ZBED4: variants seen among roughly 807,000 people sequenced by gnomAD.
The protein encoded by ZBED4 is zinc finger BED domain-containing protein 4.
Under a neutral mutation model 15.5 loss-of-function variants are expected in ZBED4, and 4 were observed. The ratio of observed to expected loss-of-function variants is 0.26; its 90% CI spans 0.13 to 0.59. The LOEUF is 0.59. Among genes scored for constraint, ZBED4 ranks in the 20% least tolerant of loss-of-function variants. The pLI, the probability that ZBED4 is intolerant of heterozygous loss-of-function variation, is 0.90. For synonymous variants in ZBED4, 692 were observed against 608.5 expected, an observed-to-expected ratio of 1.14 and a Z score of -2.02; for missense variants, 1,323 against 1,461.8, an observed-to-expected ratio of 0.91 and a Z score of 1.55.
intron 1 of ZBED4, among the ~76,000 whole-genome samples, chr22:49,866,024 T>G (rs1323403612): frequency 2.6e-5 from 4 of 152,172 alleles, no homozygotes; most frequent in Non-Finnish European, 4.4e-5. Flanking sequence ...CTTTTTTCCT[T>G]GAATGTCTTA....
intron 1 of ZBED4, among the ~76,000 whole-genome samples, chr22:49,857,508 A>G (rs1222084706): frequency 6.6e-6 from 1 of 152,184 alleles, no homozygotes; most frequent in Admixed American, 6.5e-5. Flanking sequence ...GTTCCTGAGC[A>G]CGTCTGACAG....
intron 1 of ZBED4, among the ~76,000 whole-genome samples, chr22:49,862,186 C>A (rs1327542961): frequency 6.6e-6 from 1 of 152,224 alleles, no homozygotes; most frequent in Non-Finnish European, 1.5e-5. Context: ...GTTAGTAAGT[C>A]CCCGAGGGCG....
rs188540310 is a variant in ZBED4 at position 49,864,946 on chromosome 22, C to G, written c.-330+10957C>G. ...GGTTCTATCCCAGCAAGCCCCCCCCCCCCCCCGTGAAGTCAGAAACCACGG... is the reference window on the plus strand; with the variant it reads ...GGTTCTATCCCAGCAAGCCCCCCCCGCCCCCCGTGAAGTCAGAAACCACGG... On this transcript the variant is annotated intron_variant, in intron 1 of 1. Coordinates refer to ENST00000216268, the MANE Select transcript of ZBED4 (RefSeq NM_014838.3). 5.7e-4 allele frequency among the ~76,000 whole-genome samples: 32 copies of G among 56,392 alleles called. 1 individual carries two copies. Among genetic ancestry groups the G allele is most frequent in the Middle Eastern group, 0.011 (2 of 186 alleles). 37.0% of individuals were successfully genotyped at this position (56,392 alleles called of 152,430 possible).
chr22:49,858,042 C>T (rs1468894418), intron 1 of ZBED4, among the ~76,000 whole-genome samples: 1 of 152,158 alleles, frequency 6.6e-6, no homozygotes, highest in Non-Finnish European at 1.5e-5. Context: ...GACAGGACTA[C>T]AGGCGTGAGC....
chr22:49,878,133 C>T (rs776082731), intron 1 of ZBED4, among the ~76,000 whole-genome samples: 6 of 151,854 alleles, frequency 4.0e-5, no homozygotes, highest in Non-Finnish European at 7.4e-5. Flanking sequence ...GGTGAAACAC[C>T]GTCTCTACTA....
intron 1 of ZBED4, among the ~76,000 whole-genome samples, chr22:49,854,238 G>A (rs1329327927): frequency 6.7e-6 from 1 of 148,734 alleles, no homozygotes; most frequent in African/African-American, 2.4e-5. Context: ...GAGTGCCGGG[G>A]GTCGGCGCCC....
At chr22:49,872,982 T>C (rs2092980) in intron 1 of ZBED4, among the ~76,000 whole-genome samples, 114,980 of 152,100 alleles carry the variant, frequency 0.76, 45,637 homozygotes, top group East Asian at 0.9. Flanking sequence ...AGGCGTGAAC[T>C]ACCGCGCCCA....
intron 1 of ZBED4, among the ~76,000 whole-genome samples, chr22:49,875,722 G>A (rs1268019767): frequency 3.3e-5 from 5 of 152,054 alleles, no homozygotes; most frequent in Admixed American, 2.6e-4. Flanking sequence ...CGCCCAGCTT[G>A]TCCATTTCAT....
At chr22:49,876,699 G>A (rs558484164) in intron 1 of ZBED4, among the ~76,000 whole-genome samples, 2 of 152,150 alleles carry the variant, frequency 1.3e-5, no homozygotes, top group Admixed American at 6.5e-5. Context: ...CGTTTACCCC[G>A]AGATAAGTTT....
chr22:49,855,867 A>G (rs775586231), intron 1 of ZBED4, among the ~76,000 whole-genome samples: 5 of 152,324 alleles, frequency 3.3e-5, no homozygotes, highest in African/African-American at 9.6e-5. Flanking sequence ...TTTAAATCTC[A>G]GGACCTGAGA....
rs1279650836 is a variant in ZBED4, at chr22:49,853,920, T to G, written c.-399T>G. The stretch of plus-strand genomic sequence containing the variant: ...GCGGGGGCAGACAAAGCCGCGGTAA[T>G]GAATGGAGCGTCCGCCCGCGCCGCC... On this transcript the variant is annotated 5_prime_UTR_variant, in exon 1 of 2. An upstream start codon of the reference 5' UTR is lost. Coordinates refer to ENST00000216268, the MANE Select transcript of ZBED4 (RefSeq NM_014838.3). The G allele has an allele frequency of 7.1e-6, 1 of 140,550 alleles. No individual in the cohort carries two copies. Among genetic ancestry groups the G allele is most frequent in the Non-Finnish European group, 1.6e-5 (1 of 63,986 alleles). The allele number at this position is 140,550 out of a possible 1,614,324, so 8.7% of individuals were successfully genotyped here.
At chr22:49,858,874 G>C (rs2060285797) in intron 1 of ZBED4, among the ~76,000 whole-genome samples, 1 of 152,180 alleles carries the variant, frequency 6.6e-6, no homozygotes. Flanking sequence ...GGTGCCCCCG[G>C]AGCACCCCCT....
chr22:49,861,526 C>T (rs545651043), intron 1 of ZBED4, among the ~76,000 whole-genome samples: 3 of 151,324 alleles, frequency 2.0e-5, no homozygotes, highest in South Asian at 2.1e-4. Context: ...CTCGACCTCA[C>T]GGGCTCAAGT....
In ZBED4 at chr22:49,885,211, G is replaced by T. The variant is rs776815347; in HGVS notation, c.1549G>T (p.Gly517Cys). The T allele has an allele frequency of 1.9e-6, 3 of 1,613,528 alleles. No individual in the cohort carries two copies. The highest frequency in any genetic ancestry group is 2.5e-6 in the Non-Finnish European group (3 of 1,179,726). ...TGTCGGGAGCCAGAAGGGCTTCCTG[G>T]GTGCAAGTCTGGCAAACTCTCCGTA... ...EVVGSQKGFLGASLANSPYAT... is the reference protein window; with the variant it reads ...EVVGSQKGFLCASLANSPYAT... Residue 517 changes from glycine (G) to cysteine (C), a missense_variant, in exon 2 of 2, where the codon GGT (glycine) becomes TGT (cysteine). Transcript: ENST00000216268.
chr22:49,878,592 T>C (rs1487864718), intron 1 of ZBED4, among the ~76,000 whole-genome samples: 1 of 152,148 alleles, frequency 6.6e-6, no homozygotes, highest in Admixed American at 6.5e-5. Context: ...GATCTAAATA[T>C]AAAACTTAAA....
At chr22:49,877,028 GT>G (rs1164687299) in intron 1 of ZBED4, among the ~76,000 whole-genome samples, 5 of 152,088 alleles carry the variant, frequency 3.3e-5, no homozygotes, top group African/African-American at 1.2e-4. Context: ...CAGTTTTTAT[GT>G]TTTATTTTCA....
At chr22:49,880,456 C>T (rs1569163113) in intron 1 of ZBED4, among the ~76,000 whole-genome samples, 1 of 152,230 alleles carries the variant, frequency 6.6e-6, no homozygotes, top group South Asian at 2.1e-4. Flanking sequence ...CTCCCCGCCC[C>T]GCAGCCTGGA....
chr22:49,877,269 ATT>A (rs1418197265), intron 1 of ZBED4, among the ~76,000 whole-genome samples: 1 of 7,170 alleles, frequency 1.4e-4, no homozygotes, highest in Non-Finnish European at 7.1e-4. Flanking sequence ...TTATTTATTT[ATT>A]TATTTATTTA....
chr22:49,874,484 C>T (rs1405408263), intron 1 of ZBED4, among the ~76,000 whole-genome samples: 1 of 150,846 alleles, frequency 6.6e-6, no homozygotes, highest in Non-Finnish European at 1.5e-5. Flanking sequence ...CTCCCAGGTT[C>T]AAGCGATTCT....
Sources: allele counts gnomAD v4.1 joint callset (sites outside exome capture counted in the v4.1 genomes callset), GRCh38; gene constraint gnomAD v4.1.1; transcripts MANE v1.5; gene names NCBI Gene and HGNC (gene_info 2026-07-23, HGNC 2026-07-21).